Variants in ABHD2 observed in about 807,000 individuals in gnomAD.
ABHD2 encodes monoacylglycerol lipase ABHD2.
In ABHD2, 20 loss-of-function variants were observed where a neutral mutation model predicts 48.1. The ratio of observed to expected loss-of-function variants is 0.42; its 90% confidence interval spans 0.29 to 0.60. The LOEUF is 0.60. ABHD2 is among the 20% of genes least tolerant of loss of function. The pLI, the probability that ABHD2 is intolerant of heterozygous loss-of-function variation, is 0.24. For missense variants in ABHD2, 405 were observed against 550.9 expected (o/e 0.74, Z 2.65); for synonymous variants, 209 against 214.2 (o/e 0.98, Z 0.21).
chr15:89,151,190 CACTA>C lies in ABHD2; in HGVS notation c.195-483_195-480del, dbSNP rs2050585072. On this transcript the variant is annotated intron_variant, in intron 3 of 10. Coordinates refer to ENST00000352732, the MANE Select transcript of ABHD2 (RefSeq NM_152924.5). This position sits in a 1 kb window ranked among gnomAD's most constrained non-coding sequence, Gnocchi z 4.7. Reference sequence around the variant, plus strand: ...TAGAAGAATTTGCAGCCCTTCCCAGCACTAACTGAGAGTAGCAGGTTTGGCTAAT... The same window carrying C: ...TAGAAGAATTTGCAGCCCTTCCCAGCACTGAGAGTAGCAGGTTTGGCTAAT... 6.6e-6 allele frequency among the ~76,000 whole-genome samples: 1 copy of C among 152,204 alleles called. No individual in the cohort carries two copies. The highest frequency in any genetic ancestry group is 2.1e-4 in the South Asian group (1 of 4,830).
At position 89,151,905 on chromosome 15, in the gene ABHD2, G is replaced by C. The variant is rs1241710079; in HGVS notation, c.370+53G>C. The C allele has an allele frequency of 6.3e-7, 1 of 1,590,336 alleles. No individual in the cohort carries two copies. Among genetic ancestry groups the C allele is most frequent in the Non-Finnish European group, 8.6e-7 (1 of 1,166,876 alleles). ...GCCATCACTCAGAGAAGGAGCACTA[G>C]TCAGTGGAGAGCACAGCAGTGTGAA... On this transcript the variant is annotated intron_variant, in intron 4 of 10. Coordinates refer to ENST00000352732, the MANE Select transcript of ABHD2 (RefSeq NM_152924.5). This position sits in a 1 kb window ranked among gnomAD's most constrained non-coding sequence, Gnocchi z 4.7.
In ABHD2 at chr15:89,133,156, C is replaced by T. The variant is rs961158115; in HGVS notation, c.194+16635C>T. Among the ~76,000 whole-genome samples the T allele has an allele frequency of 2.0e-5, 3 of 152,182 alleles. No individual in the cohort carries two copies. In the South Asian group the frequency reaches 6.2e-4, roughly 31 times the overall value. ...CCTCCGTGTTGCCCTTGCTGTCAGT[C>T]GGCTCTTGTTTATCCTTCCATCTTT... On this transcript the variant is annotated intron_variant, in intron 3 of 10. Transcript: ENST00000352732.
chr15:89,043,876 C>T, the ABHD2 span, among the ~76,000 whole-genome samples: 5 of 140,846 alleles, frequency 3.5e-5, no homozygotes, highest in African/African-American at 1.2e-4. Flanking sequence ...TTGTATTTTT[C>T]TCTTTTCTTT....
At chr15:89,135,591 A>C in intron 3 of ABHD2, 5 of 1,535,408 alleles carry the variant, frequency 3.3e-6, no homozygotes, top group Non-Finnish European at 4.4e-6. Flanking sequence ...TATCCTCTTC[A>C]TCTTCCTCAT....
chr15:89,052,534 G>A, the ABHD2 span, among the ~76,000 whole-genome samples: 1 of 128,602 alleles, frequency 7.8e-6, no homozygotes, highest in East Asian at 2.3e-4. Flanking sequence ...CAGACAGACA[G>A]ACAGACAGAC....
At position 89,093,281 on chromosome 15, in the gene ABHD2, A is replaced by C. The variant is rs1445329741; in HGVS notation, c.-107+4718A>C. 8.6e-5 allele frequency among the ~76,000 whole-genome samples: 13 copies of C among 150,826 alleles called. No individual in the cohort carries two copies. In the East Asian group the frequency reaches 2.5e-3, roughly 29 times the overall value. On this transcript the variant is annotated intron_variant, in intron 1 of 10. Transcript: ENST00000352732. ...CTGCAACCTCTGCTTCGCGGGTTCA[A>C]ACGATTTTCCTGCCTCAGCCTCTCA...
At chr15:89,068,441 G>T in the ABHD2 span, among the ~76,000 whole-genome samples, 6 of 152,248 alleles carry the variant, frequency 3.9e-5, no homozygotes, top group African/African-American at 1.4e-4. Context: ...TCAACAATTG[G>T]GGGCTAGAGT....
the ABHD2 span, among the ~76,000 whole-genome samples, chr15:89,074,056 A>T: frequency 1.3e-5 from 2 of 152,280 alleles, no homozygotes; most frequent in East Asian, 3.9e-4. Context: ...CAGATTTCTT[A>T]CATTGGTTCT....
intron 8 of ABHD2, among the ~76,000 whole-genome samples, chr15:89,190,268 C>T (rs2051281806): frequency 6.6e-6 from 1 of 152,190 alleles, no homozygotes; most frequent in Non-Finnish European, 1.5e-5. Context: ...TGTCGGAGCT[C>T]CAGATTGAAC....
the ABHD2 span, among the ~76,000 whole-genome samples, chr15:89,062,985 T>TC: frequency 2.0e-5 from 3 of 150,764 alleles, no homozygotes; most frequent in South Asian, 2.1e-4. Flanking sequence ...TTTTTTTTTT[T>TC]CAGACAGAGT....
At chr15:89,042,344 T>A in the ABHD2 span, among the ~76,000 whole-genome samples, 1 of 152,168 alleles carries the variant, frequency 6.6e-6, no homozygotes, top group African/African-American at 2.4e-5. Flanking sequence ...CCCTCAAACA[T>A]CTTTTTACCA....
rs1038169886 is a variant in ABHD2 at position 89,164,340 on chromosome 15, T to G, written c.538+8806T>G. Among the ~76,000 whole-genome samples the G allele has an allele frequency of 5.9e-5, 9 of 152,166 alleles. No individual in the cohort carries two copies. Among genetic ancestry groups the G allele is most frequent in the Admixed American group, 5.9e-4 (9 of 15,276 alleles). On this transcript the variant is annotated intron_variant, in intron 5 of 10. Coordinates refer to ENST00000352732, the MANE Select transcript of ABHD2 (RefSeq NM_152924.5). This position sits in a 1 kb window ranked among gnomAD's most constrained non-coding sequence, Gnocchi z 5.0. ...GGGACCAGATCTGCATTTCTAATTTTTATATTATTGTGTGTTAATCTCCTC... is the reference window on the plus strand; with the variant it reads ...GGGACCAGATCTGCATTTCTAATTTGTATATTATTGTGTGTTAATCTCCTC...
the ABHD2 span, chr15:89,070,270 C>A: frequency 6.6e-6 from 1 of 152,192 alleles, no homozygotes; most frequent in East Asian, 1.9e-4. Flanking sequence ...TTGGCCAAAG[C>A]AAGTCACATG....
chr15:89,105,566 C>T (rs1417962705), intron 1 of ABHD2, among the ~76,000 whole-genome samples: 1 of 152,240 alleles, frequency 6.6e-6, no homozygotes, highest in Non-Finnish European at 1.5e-5. Context: ...GCCGTAAATA[C>T]ATTTAATTAT....
chr15:89,201,864 G>T lies in ABHD2; in HGVS notation c.*6441G>T. On this transcript the variant is annotated 3_prime_UTR_variant, in exon 11 of 11. Transcript: ENST00000352732. ...CTGGGGGCGGGGGACGATGGCGAGA[G>T]GGGAGGGGGAGCGAGTTCGCATCTC... The T allele has an allele frequency of 2.6e-6, 2 of 782,404 alleles. No homozygotes were observed. Among genetic ancestry groups the T allele is most frequent in the African/African-American group, 1.7e-5 (1 of 57,766 alleles). The allele number at this position is 782,404 out of a possible 1,614,324, so 48.5% of individuals were successfully genotyped here. A position where few individuals can be genotyped will look rare whatever the true frequency, so the allele number is the denominator to read the frequency against.
the ABHD2 span, among the ~76,000 whole-genome samples, chr15:89,076,841 T>A: frequency 6.6e-6 from 1 of 152,182 alleles, no homozygotes; most frequent in Non-Finnish European, 1.5e-5. Flanking sequence ...GGTTGATCTA[T>A]CTCTTCAATT....
rs893361866 is a variant in ABHD2 at position 89,137,601 on chromosome 15, G to T, written c.195-14076G>T. Among the ~76,000 whole-genome samples, 3 of 152,154 alleles carry T rather than the reference G, an allele frequency of 2.0e-5. No individual in the cohort carries two copies. Among genetic ancestry groups the T allele is most frequent in the Admixed American group, 6.5e-5 (1 of 15,280 alleles). On this transcript the variant is annotated intron_variant, in intron 3 of 10. Coordinates refer to ENST00000352732, the MANE Select transcript of ABHD2 (RefSeq NM_152924.5). This position sits in a 1 kb window ranked among gnomAD's most constrained non-coding sequence, Gnocchi z 4.8. ...CTCAGGCCACTTTTGGTCATTTCAG[G>T]CAGAAACAGTCTCTGCATTGGAATT...
rs1011896177 is a variant in ABHD2 at position 89,106,047 on chromosome 15, C to T, written c.-106-7678C>T. On this transcript the variant is annotated intron_variant, in intron 1 of 10. Coordinates refer to ENST00000352732, the MANE Select transcript of ABHD2 (RefSeq NM_152924.5). The surrounding 1 kb of genome is among the most constrained non-coding windows in gnomAD (Gnocchi z 4.2). ...CCAGAGTATTGGCCAGGTGCAGTAG[C>T]TCACGCCTGTAATTCCAGCACTTTG... 6.6e-6 allele frequency among the ~76,000 whole-genome samples: 1 copy of T among 152,160 alleles called. No individual in the cohort carries two copies. The highest frequency in any genetic ancestry group is 6.5e-5 in the Admixed American group (1 of 15,280).
At chr15:89,080,130 C>T in the ABHD2 span, among the ~76,000 whole-genome samples, 1 of 152,226 alleles carries the variant, frequency 6.6e-6, no homozygotes, top group South Asian at 2.1e-4. Flanking sequence ...GCAAAAGCTA[C>T]TGCTCTGCCC....
Sources: gnomAD v4.1 joint callset for allele counts (sites outside exome capture counted in the v4.1 genomes callset) on GRCh38, gnomAD v4.1.1 for gene constraint, Gnocchi (gnomAD v3.1) non-coding constraint, MANE v1.5 for transcripts, NCBI Gene and HGNC (gene_info 2026-07-23, HGNC 2026-07-21) for gene names.